RCBTB2: variants seen among roughly 807,000 people sequenced by gnomAD.
RCBTB2 encodes RCC1 and BTB domain containing protein 2, also known as RCC1 and BTB domain-containing protein 2.
A neutral mutation model predicts 65.4 loss-of-function variants in RCBTB2; 55 were observed. The observed-to-expected ratio is 0.84, with a 90% CI of 0.68 to 1.05. The LOEUF is 1.05. Ranked by LOEUF, RCBTB2 falls within the 50% of genes least tolerant of loss-of-function variation. The pLI, the probability that RCBTB2 is intolerant of heterozygous loss-of-function variation, is 0.00. For missense variants in RCBTB2, 599 were observed against 680.1 expected (o/e 0.88, Z 1.33); for synonymous variants, 220 against 255.2 (o/e 0.86, Z 1.31).
chr13:48,512,276 G>T, intron 7 of RCBTB2, 102 bp from the exon 8 acceptor site: 2 of 970,980 alleles, frequency 2.1e-6, no homozygotes, highest in Non-Finnish European at 3.1e-6. Flanking sequence ...CTCTCAAAGT[G>T]CTTCACATTC....
At chr13:48,493,315 A>ACTCTCTCTCTCTCTCTCTCTCT (rs3085593) in intron 14 of RCBTB2, among the ~76,000 whole-genome samples, 5 of 75,080 alleles carry the variant, frequency 6.7e-5, no homozygotes, top group Non-Finnish European at 9.9e-5. Flanking sequence ...ACACACACAC[A>ACTCTCTCTCTCTCTCTCTCTCT]CTCTCTCTCT....
chr13:48,504,698 T>C (rs1361186352), intron 10 of RCBTB2, among the ~76,000 whole-genome samples: 1 of 152,222 alleles, frequency 6.6e-6, no homozygotes, highest in East Asian at 1.9e-4. Context: ...ATATAATCTA[T>C]GGGTCACTTT....
At chr13:48,518,997 A>G (rs1593759828) in intron 4 of RCBTB2, among the ~76,000 whole-genome samples, 1 of 152,286 alleles carries the variant, frequency 6.6e-6, no homozygotes, top group Middle Eastern at 3.4e-3. Context: ...TATATCTTAT[A>G]TCTTATTTCT....
chr13:48,496,840 A>AGAGGAGGG (rs1950006319), intron 13 of RCBTB2, among the ~76,000 whole-genome samples: 2 of 50,258 alleles, frequency 4.0e-5, no homozygotes, highest in Admixed American at 2.1e-4. Context: ...GGAGAGGAGG[A>AGAGGAGGG]GAGGGGAGAG....
At chr13:48,519,311 A>G (rs1951284706) in intron 4 of RCBTB2, among the ~76,000 whole-genome samples, 1 of 152,192 alleles carries the variant, frequency 6.6e-6, no homozygotes, top group African/African-American at 2.4e-5. Context: ...GCACACATGG[A>G]AAGATACAAT....
chr13:48,502,784 T>C lies in RCBTB2; in HGVS notation c.1057A>G (p.Thr353Ala). ...GCAAAGCAGGCAAACACGTCGTCAG[T>C]GCAGGAGAAGTGGGTGAGGTGCGGG... Reference protein sequence around the residue: ...ILPHLTHFSCTDDVFACFATP... With the variant: ...ILPHLTHFSCADDVFACFATP... Residue 353 changes from threonine (T) to alanine (A), a missense_variant, in exon 11 of 15, where the codon ACT becomes GCT. Thr to Ala is a moderately conservative substitution (Grantham distance 58). Transcript: ENST00000344532. 1.2e-6 allele frequency: 2 copies of C among 1,614,084 alleles called. No homozygotes were observed. Among genetic ancestry groups the C allele is most frequent in the Non-Finnish European group, 1.7e-6 (2 of 1,179,988 alleles).
chr13:48,502,660 G>A, intron 11 of RCBTB2, 64 bp downstream of exon 11: 1 of 1,476,286 alleles, frequency 6.8e-7, no homozygotes, highest in Non-Finnish European at 9.2e-7. Flanking sequence ...CATTATCAAA[G>A]TAAAGCCCTG....
rs374388911 is a variant in RCBTB2 at position 48,496,346 on chromosome 13, G to A, written c.1385-25C>T. ...CCTGGCGGAAAGAGGTGTTTATTAG[G>A]GGGAGTGATTTCAAGCATCCTGATT... On this transcript the variant is annotated intron_variant, in intron 13 of 14. Coordinates refer to ENST00000344532, the MANE Select transcript of RCBTB2 (RefSeq NM_001268.4). 7 of 1,512,442 alleles carry A rather than the reference G, an allele frequency of 4.6e-6. No homozygotes were observed. In the African/African-American group the frequency reaches 5.6e-5, roughly 12 times the overall value. 93.7% of individuals were successfully genotyped at this position (1,512,442 alleles called of 1,614,324 possible).
upstream of RCBTB2, among the ~76,000 whole-genome samples, chr13:48,535,286 T>C (rs1156628925): frequency 6.6e-6 from 1 of 150,968 alleles, no homozygotes; most frequent in East Asian, 1.9e-4. Context: ...GATAGAATCT[T>C]GCTCTGTTGC....
chr13:48,535,518 A>G (rs1344287794), upstream of RCBTB2, among the ~76,000 whole-genome samples: 2 of 152,282 alleles, frequency 1.3e-5, no homozygotes, highest in East Asian at 3.9e-4. Flanking sequence ...AGCCTCCTAA[A>G]GTGCCGAGAT....
intron 1 of RCBTB2, among the ~76,000 whole-genome samples, chr13:48,525,958 G>A (rs1190981399): frequency 2.0e-5 from 3 of 152,132 alleles, no homozygotes; most frequent in East Asian, 1.9e-4. Flanking sequence ...TTTTCGTGGG[G>A]AAGTTTTGGT....
At chr13:48,513,805 G>T (rs899800221) in intron 6 of RCBTB2, among the ~76,000 whole-genome samples, 3 of 152,144 alleles carry the variant, frequency 2.0e-5, no homozygotes, top group African/African-American at 7.2e-5. Flanking sequence ...GCTGTCTGTT[G>T]TTTCTTCTGG....
intron 1 of RCBTB2, among the ~76,000 whole-genome samples, chr13:48,531,793 C>G (rs1222179876): frequency 5.9e-5 from 9 of 152,234 alleles, no homozygotes; most frequent in Admixed American, 5.9e-4. Flanking sequence ...CCCCAAATAT[C>G]TGTATCAGCA....
chr13:48,500,298 G>A (rs1305530416), intron 12 of RCBTB2, among the ~76,000 whole-genome samples: 13 of 152,162 alleles, frequency 8.5e-5, no homozygotes, highest in African/African-American at 7.2e-5. Flanking sequence ...GGTGGCTCAC[G>A]CCTGTAATCC....
chr13:48,518,472 A>AAAAAAAAAATAT (rs1491137365), intron 4 of RCBTB2, among the ~76,000 whole-genome samples: 31 of 116,580 alleles, frequency 2.7e-4, no homozygotes, highest in African/African-American at 1.1e-3. Flanking sequence ...AAAAAAAAAA[A>AAAAAAAAAATAT]ATATATATAT....
At chr13:48,505,104 T>G (rs1357360313) in intron 10 of RCBTB2, among the ~76,000 whole-genome samples, 1 of 151,996 alleles carries the variant, frequency 6.6e-6, no homozygotes, top group Non-Finnish European at 1.5e-5. Flanking sequence ...AAACTGGGTT[T>G]GAATCCTCGC....
chr13:48,512,326 T>G (rs951967360), intron 7 of RCBTB2, 152 bp from the exon 8 acceptor site: 1 of 654,502 alleles, frequency 1.5e-6, no homozygotes, highest in Non-Finnish European at 2.6e-6. Context: ...GTTTATAAAA[T>G]GCATTCTTAT....
At position 48,522,756 on chromosome 13, in the gene RCBTB2, A is replaced by C. The variant is rs185708193; in HGVS notation, c.-119-353T>G. Among the ~76,000 whole-genome samples, 376 of 152,304 alleles carry C rather than the reference A, an allele frequency of 2.5e-3. 3 individuals are homozygous for C. Among genetic ancestry groups the C allele is most frequent in the African/African-American group, 8.8e-3 (366 of 41,572 alleles). ...ATGATGTTGCTTTTTCTAATTGACG[A>C]GGTAGGGTCTATTTACTTAAATACA... On this transcript the variant is annotated intron_variant, in intron 2 of 14. Coordinates refer to ENST00000344532, the MANE Select transcript of RCBTB2 (RefSeq NM_001268.4).
At chr13:48,507,750 G>A (rs1235422419) in intron 10 of RCBTB2, among the ~76,000 whole-genome samples, 1 of 152,150 alleles carries the variant, frequency 6.6e-6, no homozygotes, top group Non-Finnish European at 1.5e-5. Flanking sequence ...TACCTCAGAA[G>A]TCAAAGAATT....
Sources: allele counts gnomAD v4.1 joint callset (sites outside exome capture counted in the v4.1 genomes callset), GRCh38; gene constraint gnomAD v4.1.1; transcripts MANE v1.5; gene names NCBI Gene and HGNC (gene_info 2026-07-23, HGNC 2026-07-21).